DYNC2H1: variants seen among roughly 807,000 people sequenced by gnomAD.
DYNC2H1 encodes the protein dynein cytoplasmic 2 heavy chain 1, also known as cytoplasmic dynein 2 heavy chain 1.
In DYNC2H1, 410 loss-of-function variants were observed where a neutral mutation model predicts 570.0. The observed-to-expected ratio is 0.72, with a 90% CI of 0.66 to 0.78. The LOEUF (loss-of-function observed/expected upper bound fraction) is 0.78, where lower values mean the gene tolerates loss of function less well. Ranked by LOEUF, DYNC2H1 falls within the 30% of genes least tolerant of loss-of-function variation. DYNC2H1 has a pLI of 0.00. For synonymous variants in DYNC2H1, 1,688 were observed against 1,677.6 expected, an observed-to-expected ratio of 1.01 and a Z score of -0.15; for missense variants, 4,865 against 5,046.4, an observed-to-expected ratio of 0.96 and a Z score of 1.09.
Position 103,204,789 on chromosome 11 carries a change from C to A in DYNC2H1, c.8312-33C>A. ...TTAACCCAGACCACGTATAGATTGC[C>A]TGATTGTATTATTATTCTTATATAT... On this transcript the variant is annotated intron_variant, in intron 51 of 88. Coordinates refer to ENST00000375735, the MANE Select transcript of DYNC2H1 (RefSeq NM_001377.3). The surrounding 1 kb of genome is among the most constrained non-coding windows in gnomAD (Gnocchi z 4.1). The A allele has an allele frequency of 6.5e-7, 1 of 1,541,550 alleles. No homozygotes were observed. The highest frequency in any genetic ancestry group is 1.2e-5 in the South Asian group (1 of 82,184).
chr11:103,447,322 G>A (rs1944456196), intron 85 of DYNC2H1, among the ~76,000 whole-genome samples: 1 of 152,018 alleles, frequency 6.6e-6, no homozygotes, highest in African/African-American at 2.4e-5. Flanking sequence ...GTAAGGTAGG[G>A]TATATTCTCT....
intron 83 of DYNC2H1, among the ~76,000 whole-genome samples, chr11:103,383,105 G>A (rs947320469): frequency 2.6e-5 from 4 of 152,308 alleles, no homozygotes; most frequent in Non-Finnish European, 5.9e-5. Flanking sequence ...TGATGTGTTT[G>A]AGGGGGGGAT....
At chr11:103,344,264 T>C (rs1565512956) in intron 82 of DYNC2H1, among the ~76,000 whole-genome samples, 1 of 152,228 alleles carries the variant, frequency 6.6e-6, no homozygotes, top group South Asian at 2.1e-4. Flanking sequence ...AGTGCAACTC[T>C]ATCCATGAAA....
intron 70 of DYNC2H1, among the ~76,000 whole-genome samples, chr11:103,274,188 T>G (rs914862841): frequency 1.3e-5 from 2 of 151,846 alleles, no homozygotes; most frequent in Non-Finnish European, 2.9e-5. Flanking sequence ...CACAGATATA[T>G]ATATCTGTCA....
intron 12 of DYNC2H1, among the ~76,000 whole-genome samples, chr11:103,127,437 C>A (rs192122150): frequency 1.3e-5 from 2 of 152,176 alleles, no homozygotes; most frequent in African/African-American, 2.4e-5. Context: ...TTCTGGTTTT[C>A]TTGATTGTAC....
intron 82 of DYNC2H1, among the ~76,000 whole-genome samples, chr11:103,344,905 C>T (rs748606100): frequency 2.6e-5 from 4 of 152,088 alleles, no homozygotes; most frequent in African/African-American, 4.8e-5. Flanking sequence ...TAACTTGCAT[C>T]GACTTATGTG....
intron 87 of DYNC2H1, among the ~76,000 whole-genome samples, chr11:103,459,329 A>G (rs971236200): frequency 3.5e-4 from 53 of 149,496 alleles, no homozygotes; most frequent in African/African-American, 1.1e-3. Context: ...AAAAAAAAAA[A>G]AAAAGGAAAT....
At chr11:103,195,910 GTA>G (rs1287025450) in intron 47 of DYNC2H1, among the ~76,000 whole-genome samples, 3 of 152,286 alleles carry the variant, frequency 2.0e-5, no homozygotes, top group Non-Finnish European at 4.4e-5. Context: ...TAAAACAATT[GTA>G]AGTGCTCAAA....
At chr11:103,259,866 A>G (rs745507505) in intron 69 of DYNC2H1, 22 bp from the exon 70 acceptor site, 1 of 1,449,904 alleles carries the variant, frequency 6.9e-7, no homozygotes, top group South Asian at 1.4e-5. Flanking sequence ...TTTCCTAATG[A>G]ATTTCCAATT....
In DYNC2H1 at chr11:103,199,303, A is replaced by G. The variant is rs756515003; in HGVS notation, c.7915A>G (p.Arg2639Gly). The G allele has an allele frequency of 1.2e-6, 2 of 1,611,656 alleles. No individual in the cohort carries two copies. The highest frequency in any genetic ancestry group is 3.3e-5 in the Admixed American group (2 of 59,966). The change falls in exon 49 of 89, where the codon AGG (arginine) becomes GGG (glycine). Residue 2639 changes from arginine to glycine, a missense_variant. Around this residue, in one of 5 missense-constraint regions of DYNC2H1, gnomAD observed 2,401 missense variants for 2,454.6 expected, o/e 0.98. Coordinates refer to ENST00000375735, the MANE Select transcript of DYNC2H1 (RefSeq NM_001377.3). The surrounding 1 kb of genome is among the most constrained non-coding windows in gnomAD (Gnocchi z 4.6). ...CCACGAAGTCTTGGAGTATATGTCT[A>G]GGATAGATAGAGTGCTGAGTTTCCC... ...LFHEVLEYMSRIDRVLSFPGG... is the reference protein window; with the variant it reads ...LFHEVLEYMSGIDRVLSFPGG...
At chr11:103,250,696 CT>C (rs929048755) in intron 65 of DYNC2H1, among the ~76,000 whole-genome samples, 1 of 151,950 alleles carries the variant, frequency 6.6e-6, no homozygotes, top group African/African-American at 2.4e-5. Context: ...TATTGATAGT[CT>C]TTTCTTTTTT....
chr11:103,303,268 T>C lies in DYNC2H1; in HGVS notation c.11256+15T>C, dbSNP rs1433026844. 1.9e-6 allele frequency: 3 copies of C among 1,605,278 alleles called. No individual in the cohort carries two copies. In the Admixed American group the frequency reaches 5.1e-5, roughly 27 times the overall value. On this transcript the variant is annotated intron_variant, in intron 76 of 88. Coordinates refer to ENST00000375735, the MANE Select transcript of DYNC2H1 (RefSeq NM_001377.3). ...GTTATCACCAGGTAAGTACATATTG[T>C]CCCGCTGTTTTTGTTTTTGCTATTG...
rs371661066 is a variant in DYNC2H1 at position 103,321,012 on chromosome 11, T to G, written c.11726-17T>G. Reference sequence around the variant, plus strand: ...ATTTTAGAAATGAAATTAATGAGTGTTTTTTTAAAATTATAGGTGCCAAAG... The same window carrying G: ...ATTTTAGAAATGAAATTAATGAGTGGTTTTTTAAAATTATAGGTGCCAAAG... On this transcript the variant is annotated splice_polypyrimidine_tract_variant and intron_variant, in intron 80 of 88. Transcript: ENST00000375735. 28 of 1,572,108 alleles carry G rather than the reference T, an allele frequency of 1.8e-5. No individual in the cohort carries two copies. In the South Asian group the frequency reaches 2.1e-4, roughly 12 times the overall value.
rs988576613 is a variant in DYNC2H1, at chr11:103,324,496, C to T, written c.12039+506C>T. Among the ~76,000 whole-genome samples, 1 of 152,186 alleles carries T rather than the reference C, an allele frequency of 6.6e-6. No individual in the cohort carries two copies. The highest frequency in any genetic ancestry group is 1.5e-5 in the Non-Finnish European group (1 of 68,022). On this transcript the variant is annotated intron_variant, in intron 82 of 88. Transcript: ENST00000375735. The surrounding 1 kb of genome is among the most constrained non-coding windows in gnomAD (Gnocchi z 5.2). ...CTCCATCCATCCTTGCTGTGAAGGA[C>T]ATGGTCTTGCTCCAGCTCCTTCACT... is the stretch of plus-strand genomic sequence containing the variant.
At chr11:103,287,397 A>G (rs2135356187) in intron 74 of DYNC2H1, 136 bp from the exon 75 acceptor site, 1 of 691,726 alleles carries the variant, frequency 1.4e-6, no homozygotes, top group South Asian at 2.4e-5. Context: ...TTTAAAGCAC[A>G]GTAAATAATA....
At chr11:103,342,655 A>G (rs369014363) in intron 82 of DYNC2H1, among the ~76,000 whole-genome samples, 25 of 151,846 alleles carry the variant, frequency 1.6e-4, no homozygotes, top group African/African-American at 5.8e-4. Context: ...GGCGCCCACC[A>G]CCATGCCCGG....
intron 81 of DYNC2H1, among the ~76,000 whole-genome samples, chr11:103,323,288 T>A (rs947522918): frequency 6.6e-6 from 1 of 152,232 alleles, no homozygotes; most frequent in African/African-American, 2.4e-5. Context: ...GCTTATTCAA[T>A]GTGTAGGGTA....
intron 84 of DYNC2H1, among the ~76,000 whole-genome samples, chr11:103,411,540 A>G (rs1943087819): frequency 1.3e-5 from 2 of 150,936 alleles, no homozygotes; most frequent in South Asian, 4.2e-4. Context: ...TAAACACTTG[A>G]AAAAAAAAGG....
chr11:103,304,746 A>G (rs758179754), intron 77 of DYNC2H1, 26 bp downstream of exon 77: 9 of 1,608,598 alleles, frequency 5.6e-6, no homozygotes, highest in Non-Finnish European at 6.8e-6. Flanking sequence ...TGTACAAATA[A>G]TATCTATTAT....
Sources: allele counts gnomAD v4.1 joint callset (sites outside exome capture counted in the v4.1 genomes callset), GRCh38; gene constraint gnomAD v4.1.1; regional missense constraint gnomAD v4.1.1; non-coding constraint Gnocchi (gnomAD v3.1); transcripts MANE v1.5; gene names NCBI Gene and HGNC (gene_info 2026-07-23, HGNC 2026-07-21).